Variants in BICC1 observed in about 807,000 individuals in gnomAD.
The protein encoded by BICC1 is protein bicaudal C homolog 1.
Under a neutral mutation model 111.0 loss-of-function variants are expected in BICC1, and 43 were observed. The observed-to-expected ratio is 0.39, with a 90% CI of 0.30 to 0.50. The LOEUF (loss-of-function observed/expected upper bound fraction) is 0.50. Ranked by LOEUF, BICC1 falls within the 20% of genes least tolerant of loss-of-function variation. The pLI is 0.88. For synonymous variants in BICC1, 467 were observed against 434.4 expected, an observed-to-expected ratio of 1.07 and a Z score of -0.93; for missense variants, 1,091 against 1,203.2, an observed-to-expected ratio of 0.91 and a Z score of 1.38.
chr10:58,626,434 T>C (rs1191601727), intron 2 of BICC1, among the ~76,000 whole-genome samples: 1 of 152,226 alleles, frequency 6.6e-6, no homozygotes, highest in Admixed American at 6.5e-5. Flanking sequence ...AAAGGTTGTT[T>C]AGTCATCATC....
At chr10:58,670,502 T>A (rs1241474250) in intron 2 of BICC1, among the ~76,000 whole-genome samples, 3 of 151,966 alleles carry the variant, frequency 2.0e-5, no homozygotes, top group Admixed American at 2.0e-4. Context: ...TAGGGCAAAG[T>A]GAGTAAATGT....
At chr10:58,677,206 T>A (rs548038321) in intron 2 of BICC1, among the ~76,000 whole-genome samples, 1 of 152,170 alleles carries the variant, frequency 6.6e-6, no homozygotes, top group Non-Finnish European at 1.5e-5. Flanking sequence ...ATGAGTTTGA[T>A]GAATTGACAG....
Position 58,715,785 on chromosome 10 carries a change from G to T in BICC1, c.307+13642G>T, listed in dbSNP as rs1840720624. 2.1e-6 allele frequency: 3 copies of T among 1,433,186 alleles called. No homozygotes were observed. In the South Asian group the frequency reaches 3.6e-5, roughly 17 times the overall value. 88.8% of individuals were successfully genotyped at this position (1,433,186 alleles called of 1,614,324 possible). A position where few individuals can be genotyped will look rare whatever the true frequency, so the allele number is the denominator to read the frequency against. On this transcript the variant is annotated intron_variant, in intron 3 of 20. Transcript: ENST00000373886. ...GAAGAAAGAACTGGAAAAACACAGG[G>T]AGAAATTGTTAACTGCAAGTGAGAG...
chr10:58,785,536 GC>G (rs1842986870), intron 4 of BICC1, among the ~76,000 whole-genome samples: 1 of 151,784 alleles, frequency 6.6e-6, no homozygotes, highest in South Asian at 2.1e-4. Context: ...TTTGTTGCTT[GC>G]TTTTGTGTGA....
intron 2 of BICC1, among the ~76,000 whole-genome samples, chr10:58,651,301 A>G (rs1397785397): frequency 6.6e-6 from 1 of 152,204 alleles, no homozygotes; most frequent in African/African-American, 2.4e-5. Context: ...GAAAAGACCC[A>G]GCACACACCA....
At chr10:58,759,443 A>T (rs1018183010) in intron 3 of BICC1, among the ~76,000 whole-genome samples, 17 of 152,136 alleles carry the variant, frequency 1.1e-4, no homozygotes, top group Admixed American at 7.2e-4. Flanking sequence ...GGCATATGAA[A>T]TGGGTTAATT....
chr10:58,633,130 A>G (rs550185923), intron 2 of BICC1, among the ~76,000 whole-genome samples: 2 of 152,294 alleles, frequency 1.3e-5, no homozygotes, highest in South Asian at 2.1e-4. Context: ...GTGATAGTGA[A>G]TAAGTCTGGG....
chr10:58,796,248 T>TA lies in BICC1; in HGVS notation c.1180-92_1180-91insA, dbSNP rs1430744090. 8 of 1,045,818 alleles carry TA rather than the reference T, an allele frequency of 7.6e-6. No homozygotes were observed. The African/African-American group carries it at 1.1e-4, about 14-fold the overall frequency. 64.8% of individuals were successfully genotyped at this position (1,045,818 alleles called of 1,614,324 possible). On this transcript the variant is annotated intron_variant, in intron 9 of 20. Transcript: ENST00000373886. ...ATATGTCCCCTGAGTGGAATTCTTA[T>TA]TAGCGTATTCATTTTCCACCTCCCT...
At chr10:58,607,344 A>ATAAATAAATAAAT (rs1564510203) in intron 1 of BICC1, among the ~76,000 whole-genome samples, 4 of 151,742 alleles carry the variant, frequency 2.6e-5, no homozygotes, top group South Asian at 2.1e-4. Context: ...AAATAAATAA[A>ATAAATAAATAAAT]ACTGTCATGC....
At chr10:58,775,491 G>T (rs961942512) in intron 3 of BICC1, among the ~76,000 whole-genome samples, 1 of 152,130 alleles carries the variant, frequency 6.6e-6, no homozygotes, top group African/African-American at 2.4e-5. Context: ...TAGCTCTTAG[G>T]TAACTTTTAA....
intron 3 of BICC1, among the ~76,000 whole-genome samples, chr10:58,743,977 G>A (rs1841751782): frequency 6.6e-6 from 1 of 151,964 alleles, no homozygotes; most frequent in African/African-American, 2.4e-5. Context: ...TATCATCTTT[G>A]CTGTGAAATA....
At chr10:58,576,510 C>G (rs1224687534) in intron 1 of BICC1, among the ~76,000 whole-genome samples, 1 of 152,160 alleles carries the variant, frequency 6.6e-6, no homozygotes, top group Non-Finnish European at 1.5e-5. Context: ...AGCACTGATG[C>G]CCATTATTGC....
intron 1 of BICC1, among the ~76,000 whole-genome samples, chr10:58,594,595 T>C (rs1844750238): frequency 6.6e-6 from 1 of 152,172 alleles, no homozygotes; most frequent in African/African-American, 2.4e-5. Flanking sequence ...AAAAGAATTT[T>C]CAACCCAAAA....
intron 1 of BICC1, among the ~76,000 whole-genome samples, chr10:58,591,068 C>G (rs890754479): frequency 1.3e-5 from 2 of 152,192 alleles, no homozygotes; most frequent in African/African-American, 4.8e-5. Context: ...TCATTAGTTA[C>G]ACCTGGCTCA....
chr10:58,544,692 T>C (rs534037188), intron 1 of BICC1, among the ~76,000 whole-genome samples: 1 of 152,142 alleles, frequency 6.6e-6, no homozygotes. Flanking sequence ...CAAGATAATA[T>C]AACTATACTG....
At chr10:58,526,391 C>CT (rs750170623) in intron 1 of BICC1, among the ~76,000 whole-genome samples, 23 of 151,046 alleles carry the variant, frequency 1.5e-4, no homozygotes, top group African/African-American at 2.2e-4. Context: ...TTGTTTCTTT[C>CT]TTTTTTTCTT....
intron 2 of BICC1, among the ~76,000 whole-genome samples, chr10:58,693,080 A>G (rs895863301): frequency 1.3e-5 from 2 of 151,948 alleles, no homozygotes; most frequent in African/African-American, 2.4e-5. Context: ...CTCATTGTTC[A>G]ATTCCCACCT....
chr10:58,571,635 G>C (rs954213292), intron 1 of BICC1, among the ~76,000 whole-genome samples: 1 of 152,012 alleles, frequency 6.6e-6, no homozygotes, highest in African/African-American at 2.4e-5. Context: ...TAATGGCCTT[G>C]AGTTCCATCC....
rs182838082 is a variant in BICC1, at chr10:58,648,118, A to T, written c.237+27217A>T. Among the ~76,000 whole-genome samples, 780 of 152,320 alleles carry T rather than the reference A, an allele frequency of 5.1e-3. 7 individuals carry two copies. Among genetic ancestry groups the T allele is most frequent in the African/African-American group, 0.018 (736 of 41,554 alleles). ...CACAATCAACTGCATTTAAAAAAAA[A>T]TGCTTTGCTTTTCTAGCAGGCCATT... On this transcript the variant is annotated intron_variant, in intron 2 of 20. Transcript: ENST00000373886.
Sources: allele counts gnomAD v4.1 joint callset (sites outside exome capture counted in the v4.1 genomes callset), GRCh38; gene constraint gnomAD v4.1.1; transcripts MANE v1.5; gene names NCBI Gene and HGNC (gene_info 2026-07-23, HGNC 2026-07-21).